The following B3GLCT variants were observed in gnomAD, a reference collection of about 807,000 sequenced individuals.
The protein encoded by B3GLCT is beta-1,3-glucosyltransferase.
Under a neutral mutation model 63.4 loss-of-function variants are expected in B3GLCT, and 65 were observed. That is an observed-to-expected ratio of 1.03 (90% CI 0.84 to 1.26). The LOEUF is 1.26. Ranked by LOEUF, B3GLCT falls within the 50% of genes most tolerant of loss-of-function variation. B3GLCT has a pLI of 0.00. For missense variants in B3GLCT, 577 were observed against 604.8 expected, an observed-to-expected ratio of 0.95 and a Z score of 0.48; for synonymous variants, 233 against 219.2, an observed-to-expected ratio of 1.06 and a Z score of -0.55.
At chr13:31,275,797 A>G (rs574609188) in intron 9 of B3GLCT, among the ~76,000 whole-genome samples, 1 of 152,128 alleles carries the variant, frequency 6.6e-6, no homozygotes, top group South Asian at 2.1e-4. Flanking sequence ...ACACACACAC[A>G]CGCACACACA....
rs1251702004 is a variant in B3GLCT, at chr13:31,200,051, C to T, written c.-34C>T. 1 of 1,317,502 alleles carries T rather than the reference C, an allele frequency of 7.6e-7. No individual in the cohort carries two copies. The highest frequency in any genetic ancestry group is 1.6e-5 in the South Asian group (1 of 61,090). 81.6% of individuals were successfully genotyped at this position (1,317,502 alleles called of 1,614,324 possible). ...GCTCCCCGCGCGTCTCCCTTCCCCGCGCCCAGGTAGGGCGCTCAGCCTCCG... is the reference window on the plus strand; with the variant it reads ...GCTCCCCGCGCGTCTCCCTTCCCCGTGCCCAGGTAGGGCGCTCAGCCTCCG... On this transcript the variant is annotated 5_prime_UTR_variant, in exon 1 of 15. Transcript: ENST00000343307.
At position 31,330,522 on chromosome 13, in the gene B3GLCT, A is replaced by T. The variant is rs1399874854; in HGVS notation, c.*854A>T. On this transcript the variant is annotated 3_prime_UTR_variant, in exon 15 of 15. Transcript: ENST00000343307. Reference sequence around the variant, plus strand: ...GTCTCAGGAAGTGAATTAAATTTGGACCTTATGTTTTACTCTTGTTTTTTT... The same window carrying T: ...GTCTCAGGAAGTGAATTAAATTTGGTCCTTATGTTTTACTCTTGTTTTTTT... 2 of 145,998 alleles carry T rather than the reference A, an allele frequency of 1.4e-5. No individual in the cohort carries two copies. The highest frequency in any genetic ancestry group is 5.0e-5 in the African/African-American group (2 of 39,828). The allele number at this position is 145,998 out of a possible 1,614,324, so 9.0% of individuals were successfully genotyped here.
Position 31,284,765 on chromosome 13 carries a change from A to G in B3GLCT, c.964+4A>G, listed in dbSNP as rs779159399. On this transcript the variant is annotated splice_donor_region_variant and intron_variant, in intron 11 of 14. Transcript: ENST00000343307. ...GGAATTCCTAATACAGATAGAGGTG[A>G]GTCATAATTCTTACTACTCTCCTTA... is the stretch of plus-strand genomic sequence containing the variant. 7.0e-7 allele frequency: 1 copy of G among 1,419,036 alleles called. No homozygotes were observed. Among genetic ancestry groups the G allele is most frequent in the Non-Finnish European group, 1.0e-6 (1 of 1,002,256 alleles). The allele number at this position is 1,419,036 out of a possible 1,614,324, so 87.9% of individuals were successfully genotyped here. A position where few individuals can be genotyped will look rare whatever the true frequency, so the allele number is the denominator to read the frequency against.
chr13:31,252,016 C>T (rs1004371929), intron 6 of B3GLCT, among the ~76,000 whole-genome samples: 1 of 152,326 alleles, frequency 6.6e-6, no homozygotes, highest in Non-Finnish European at 1.5e-5. Context: ...AACAGCGGAT[C>T]TCTCAGCAGA....
At chr13:31,209,865 A>G (rs1869168905) in intron 1 of B3GLCT, among the ~76,000 whole-genome samples, 3 of 152,194 alleles carry the variant, frequency 2.0e-5, no homozygotes, top group Non-Finnish European at 4.4e-5. Flanking sequence ...TCTATGATAG[A>G]TGTTCCTGGG....
At chr13:31,271,500 G>T (rs1365105649) in intron 8 of B3GLCT, among the ~76,000 whole-genome samples, 2 of 151,758 alleles carry the variant, frequency 1.3e-5, no homozygotes, top group Admixed American at 6.6e-5. Flanking sequence ...ACTTTTTTTT[G>T]ACTATGACCC....
intron 4 of B3GLCT, among the ~76,000 whole-genome samples, chr13:31,229,621 C>A (rs1248114400): frequency 6.6e-6 from 1 of 151,746 alleles, no homozygotes; most frequent in Non-Finnish European, 1.5e-5. Flanking sequence ...TGATGCATGC[C>A]CGTAATCCCA....
intron 6 of B3GLCT, among the ~76,000 whole-genome samples, chr13:31,258,283 A>G (rs1431744997): frequency 6.6e-6 from 1 of 152,198 alleles, no homozygotes; most frequent in African/African-American, 2.4e-5. Context: ...TTCCTCATCC[A>G]GAAATGCATC....
chr13:31,247,137 C>T (rs774732536), intron 5 of B3GLCT, 38 bp downstream of exon 5: 2 of 1,464,540 alleles, frequency 1.4e-6, no homozygotes, highest in Admixed American at 1.7e-5. Flanking sequence ...TACTGACATT[C>T]CTACCTGAAC....
chr13:31,263,157 A>C (rs1872125096), intron 7 of B3GLCT, among the ~76,000 whole-genome samples: 1 of 152,154 alleles, frequency 6.6e-6, no homozygotes, highest in Admixed American at 6.5e-5. Context: ...CTTCTGATCC[A>C]GGAGGCCTCT....
chr13:31,312,599 A>G (rs927592400), intron 12 of B3GLCT: 6 of 152,226 alleles, frequency 3.9e-5, no homozygotes, highest in African/African-American at 1.4e-4. Context: ...AGTTAAAAGA[A>G]AATCTATCTT....
intron 14 of B3GLCT, among the ~76,000 whole-genome samples, chr13:31,327,413 C>T (rs1375319523): frequency 6.6e-6 from 1 of 152,144 alleles, no homozygotes; most frequent in East Asian, 1.9e-4. Flanking sequence ...ATGCCCAGTG[C>T]GGGATGGAGT....
At chr13:31,269,588 T>C (rs899787528) in intron 8 of B3GLCT, among the ~76,000 whole-genome samples, 4 of 152,168 alleles carry the variant, frequency 2.6e-5, no homozygotes, top group African/African-American at 9.7e-5. Flanking sequence ...ACCTCTGCTC[T>C]TACTTGATGC....
At chr13:31,230,234 G>T (rs1429420460) in intron 4 of B3GLCT, among the ~76,000 whole-genome samples, 1 of 152,112 alleles carries the variant, frequency 6.6e-6, no homozygotes, top group Non-Finnish European at 1.5e-5. Flanking sequence ...CTGGAGGTTT[G>T]GAGTGAGGGA....
At chr13:31,296,573 TG>T (rs1388722887) in intron 12 of B3GLCT, among the ~76,000 whole-genome samples, 2 of 152,224 alleles carry the variant, frequency 1.3e-5, no homozygotes, top group African/African-American at 4.8e-5. Flanking sequence ...TGATAAAATT[TG>T]GGGGGAACAC....
chr13:31,279,230 A>C (rs1872938946), intron 10 of B3GLCT, among the ~76,000 whole-genome samples: 1 of 151,882 alleles, frequency 6.6e-6, no homozygotes, highest in South Asian at 2.1e-4. Flanking sequence ...TTAGACTGCC[A>C]CTCCTATCTA....
rs1272730392 is a variant in B3GLCT, at chr13:31,218,075, C to T, written c.120+2975C>T. ...CTATTCATGAACAAGGAATGTTTTT[C>T]CATTTGTTTTGTTGTCTCTGATTTT... On this transcript the variant is annotated intron_variant, in intron 2 of 14. Transcript: ENST00000343307. 4.0e-5 allele frequency among the ~76,000 whole-genome samples: 6 copies of T among 151,658 alleles called. No individual in the cohort carries two copies. In the South Asian group the frequency reaches 1.0e-3, roughly 26 times the overall value.
intron 12 of B3GLCT, among the ~76,000 whole-genome samples, chr13:31,314,129 T>G (rs947277179): frequency 5.3e-5 from 8 of 152,232 alleles, no homozygotes; most frequent in Non-Finnish European, 1.2e-4. Context: ...CAGGCAAGTT[T>G]GCTGCAGGAT....
chr13:31,286,955 A>C (rs758273714), intron 12 of B3GLCT, 136 bp downstream of exon 12: 16 of 589,752 alleles, frequency 2.7e-5, no homozygotes, highest in Non-Finnish European at 3.9e-5. Context: ...CAATCCTCTT[A>C]AGGAACAAAA....
Sources: gnomAD v4.1 joint callset for allele counts (sites outside exome capture counted in the v4.1 genomes callset) on GRCh38, gnomAD v4.1.1 for gene constraint, MANE v1.5 for transcripts, NCBI Gene and HGNC (gene_info 2026-07-23, HGNC 2026-07-21) for gene names.